Variants in MBD5 observed in about 807,000 individuals in gnomAD.
The protein encoded by MBD5 is methyl-CpG binding domain protein 5.
Under a neutral mutation model 117.3 loss-of-function variants are expected in MBD5, and 13 were observed. That is an observed-to-expected ratio of 0.11 (90% CI 0.07 to 0.18). MBD5 has a LOEUF of 0.18. Among genes scored for constraint, MBD5 ranks in the 10% least tolerant of loss-of-function variants. The probability of loss-of-function intolerance (pLI) is 1.00; values close to 1 mark genes in which losing one functional copy is unlikely to be tolerated. For synonymous variants in MBD5, 727 were observed against 766.4 expected (o/e 0.95, Z 0.85); for missense variants, 1,879 against 2,093.8 (o/e 0.90, Z 2.00).
intron 7 of MBD5, among the ~76,000 whole-genome samples, chr2:148,464,769 G>A: frequency 1.4e-5 from 2 of 140,372 alleles, no homozygotes; most frequent in East Asian, 2.1e-4. Flanking sequence ...GACGAGCTTA[G>A]ACAATACAGC....
chr2:148,140,004 C>A (rs1163542131), intron 1 of MBD5, among the ~76,000 whole-genome samples: 1 of 152,168 alleles, frequency 6.6e-6, no homozygotes, highest in Non-Finnish European at 1.5e-5. Context: ...ATTGGGGTAA[C>A]TGAACTTTCA....
chr2:148,129,425 G>T lies in MBD5; in HGVS notation c.-924-49275G>T, dbSNP rs545407548. Reference sequence around the variant, plus strand: ...CAGGAGTAATCACTTGAACCAGGGAGGCGGAGGTTGCAGTGAGCCAAGATC... The same window carrying T: ...CAGGAGTAATCACTTGAACCAGGGATGCGGAGGTTGCAGTGAGCCAAGATC... On this transcript the variant is annotated intron_variant, in intron 1 of 13. Transcript: ENST00000642680. Among the ~76,000 whole-genome samples the T allele has an allele frequency of 7.2e-5, 11 of 152,256 alleles. 1 individual carries two copies. The South Asian group carries it at 1.7e-3, about 23-fold the overall frequency.
intron 3 of MBD5, among the ~76,000 whole-genome samples, chr2:148,255,599 C>G (rs1231653471): frequency 6.6e-6 from 1 of 152,162 alleles, no homozygotes; most frequent in African/African-American, 2.4e-5. Flanking sequence ...ATCGCCATAC[C>G]TGGTTGGAGG....
At chr2:148,116,487 T>C (rs1574031128) in intron 1 of MBD5, among the ~76,000 whole-genome samples, 2 of 152,228 alleles carry the variant, frequency 1.3e-5, no homozygotes, top group South Asian at 4.1e-4. Flanking sequence ...ATTCATCTGT[T>C]GCTTCTCAGA....
intron 1 of MBD5, among the ~76,000 whole-genome samples, chr2:148,039,269 C>T (rs1217809057): frequency 2.6e-5 from 4 of 151,728 alleles, no homozygotes; most frequent in Admixed American, 6.6e-5. Context: ...ATGTTTTAAA[C>T]CTTATTATTT....
chr2:148,196,376 T>G (rs1698988341), intron 2 of MBD5: 1 of 152,178 alleles, frequency 6.6e-6, no homozygotes. Context: ...AAAATATTTT[T>G]GTGCCACTAC....
chr2:148,021,746 C>G, intron 1 of MBD5, 62 bp downstream of exon 1: 1 of 293,334 alleles, frequency 3.4e-6, no homozygotes, highest in Non-Finnish European at 6.9e-6. Flanking sequence ...TCCGGGGCAA[C>G]AGTAGCACCA....
At position 148,052,312 on chromosome 2, in the gene MBD5, G is replaced by A. The variant is rs1426808263; in HGVS notation, c.-925+30628G>A. On this transcript the variant is annotated intron_variant, in intron 1 of 13. Coordinates refer to ENST00000642680, the MANE Select transcript of MBD5 (RefSeq NM_001378120.1). The stretch of plus-strand genomic sequence containing the variant: ...TGCAACCTCTGCCTCCCAGGTTCAA[G>A]CAATTCCCCTGCCTCAGCCTCCTGA... Among the ~76,000 whole-genome samples the A allele has an allele frequency of 2.1e-5, 3 of 144,824 alleles. No individual in the cohort carries two copies. The East Asian group carries it at 6.7e-4, about 32-fold the overall frequency.
intron 2 of MBD5, among the ~76,000 whole-genome samples, chr2:148,229,671 TTGTTGTGATCTAAG>T (rs1699934357): frequency 1.3e-5 from 2 of 152,166 alleles, no homozygotes; most frequent in Non-Finnish European, 2.9e-5. Flanking sequence ...AAGGACTTGA[TTGTTGTGATCTAAG>T]TGTTGTGATC....
chr2:148,252,367 C>T (rs555464847), intron 3 of MBD5, among the ~76,000 whole-genome samples: 98 of 152,078 alleles, frequency 6.4e-4, no homozygotes, highest in Non-Finnish European at 1.2e-3. Flanking sequence ...GACTGAAATG[C>T]GAGGATCACC....
chr2:148,420,818 C>T (rs1239332952), intron 4 of MBD5, among the ~76,000 whole-genome samples: 1 of 152,092 alleles, frequency 6.6e-6, no homozygotes, highest in African/African-American at 2.4e-5. Flanking sequence ...CCTCCTGCCT[C>T]CCAGACTCAA....
chr2:148,368,587 C>T (rs1703768937), intron 4 of MBD5, among the ~76,000 whole-genome samples: 1 of 152,068 alleles, frequency 6.6e-6, no homozygotes, highest in Non-Finnish European at 1.5e-5. Context: ...AAAGGGACTC[C>T]AACTGAAGCA....
intron 4 of MBD5, among the ~76,000 whole-genome samples, chr2:148,411,433 A>G (rs1048560501): frequency 2.0e-5 from 3 of 151,558 alleles, no homozygotes; most frequent in African/African-American, 7.3e-5. Context: ...ACTGCTTTCC[A>G]CAATGGCTGA....
intron 1 of MBD5, among the ~76,000 whole-genome samples, chr2:148,088,128 CA>C (rs991410380): frequency 5.3e-5 from 8 of 151,682 alleles, no homozygotes; most frequent in African/African-American, 1.7e-4. Context: ...ACGTTGAAGA[CA>C]AGGCTTTTGA....
At chr2:148,188,262 G>C (rs1698718088) in intron 2 of MBD5, among the ~76,000 whole-genome samples, 1 of 152,090 alleles carries the variant, frequency 6.6e-6, no homozygotes, top group Non-Finnish European at 1.5e-5. Context: ...TATATTATTA[G>C]GAAATTATAG....
In MBD5 at chr2:148,228,955, A is replaced by G. The variant is rs1325500211; in HGVS notation, c.-830-4290A>G. 3.3e-5 allele frequency among the ~76,000 whole-genome samples: 5 copies of G among 152,116 alleles called. No individual in the cohort carries two copies. The East Asian group carries it at 9.6e-4, about 29-fold the overall frequency. ...GTATTTCTGTGGGATCGCTGGTGAT[A>G]TCCCCTTTGTCATTTTTTATTGCGT... On this transcript the variant is annotated intron_variant, in intron 2 of 13. Coordinates refer to ENST00000642680, the MANE Select transcript of MBD5 (RefSeq NM_001378120.1).
chr2:148,468,710 G>A lies in MBD5; in HGVS notation c.767G>A (p.Gly256Asp). 1 of 1,613,876 alleles carries A rather than the reference G, an allele frequency of 6.2e-7. No individual in the cohort carries two copies. The highest frequency in any genetic ancestry group is 8.5e-7 in the Non-Finnish European group (1 of 1,179,902). Residue 256 changes from glycine to aspartate, a missense_variant, in exon 8 of 14, where the codon GGT becomes GAT. Gly to Asp is a moderately conservative substitution (Grantham distance 94). This residue lies in a region of MBD5 where 1,666 missense variants were observed against 1,792.2 expected (regional missense o/e 0.93). Coordinates refer to ENST00000642680, the MANE Select transcript of MBD5 (RefSeq NM_001378120.1). The part of the protein sequence containing the change: ...SPDVFTRSNP[G>D]FHGAPNSSPI... ...GATGTTTTCACAAGAAGTAATCCTG[G>A]TTTTCATGGAGCTCCCAATTCTAGT...
At chr2:148,138,325 G>A (rs1447983795) in intron 1 of MBD5, among the ~76,000 whole-genome samples, 2 of 152,164 alleles carry the variant, frequency 1.3e-5, no homozygotes, top group East Asian at 3.8e-4. Context: ...GAAAGGTGAA[G>A]AAATGTGCTT....
intron 1 of MBD5, among the ~76,000 whole-genome samples, chr2:148,170,217 C>T (rs970263472): frequency 6.6e-6 from 1 of 152,082 alleles, no homozygotes; most frequent in African/African-American, 2.4e-5. Flanking sequence ...CTTTTCTTTG[C>T]GACAAAAGGA....
Sources: gnomAD v4.1 joint callset for allele counts (sites outside exome capture counted in the v4.1 genomes callset) on GRCh38, gnomAD v4.1.1 for gene constraint, gnomAD v4.1.1 regional missense constraint, MANE v1.5 for transcripts, NCBI Gene and HGNC (gene_info 2026-07-23, HGNC 2026-07-21) for gene names.